Variants in CADM2 observed in about 807,000 individuals in gnomAD.
CADM2 encodes the protein immunoglobulin superfamily member 4D.
CADM2 carries 12 observed loss-of-function variants against 49.8 expected under a neutral mutation model. The observed-to-expected ratio is 0.24, with a 90% CI of 0.15 to 0.39. The LOEUF (loss-of-function observed/expected upper bound fraction) is 0.39, where lower values mean the gene tolerates loss of function less well. Among genes scored for constraint, CADM2 ranks in the 10% least tolerant of loss-of-function variants. CADM2 has a pLI of 1.00. For synonymous variants in CADM2, 214 were observed against 175.4 expected (o/e 1.22, Z -1.74); for missense variants, 378 against 492.3 (o/e 0.77, Z 2.20).
intron 1 of CADM2, among the ~76,000 whole-genome samples, chr3:85,213,783 C>G (rs1478918765): frequency 6.6e-6 from 1 of 151,956 alleles, no homozygotes; most frequent in Non-Finnish European, 1.5e-5. Context: ...TTTGTCTCCT[C>G]TGTGTATTTT....
intron 1 of CADM2, among the ~76,000 whole-genome samples, chr3:85,123,482 G>T (rs144539805): frequency 1.3e-3 from 199 of 152,198 alleles, no homozygotes; most frequent in African/African-American, 4.3e-3. Context: ...TCTAAGAGGG[G>T]CACTCCTCTG....
intron 1 of CADM2, among the ~76,000 whole-genome samples, chr3:85,017,041 T>C (rs1367804956): frequency 2.6e-5 from 4 of 152,176 alleles, no homozygotes; most frequent in African/African-American, 9.7e-5. Flanking sequence ...TTCTTTGTAA[T>C]ATCACTAAGA....
chr3:85,598,889 C>T (rs1353634806), intron 1 of CADM2, among the ~76,000 whole-genome samples: 2 of 151,470 alleles, frequency 1.3e-5, no homozygotes, highest in African/African-American at 4.9e-5. Flanking sequence ...ATTATACACA[C>T]ATAGACATAT....
rs547705294 is a variant in CADM2 at position 85,664,060 on chromosome 3, C to G, written c.62-62462C>G. The stretch of plus-strand genomic sequence containing the variant: ...GATTTGCCAGCCACAAATTCAACTT[C>G]TATGTTTCTTTTCTTCTCATAGGAT... On this transcript the variant is annotated intron_variant, in intron 1 of 9. Transcript: ENST00000383699. 2.0e-5 allele frequency among the ~76,000 whole-genome samples: 3 copies of G among 152,096 alleles called. No individual in the cohort carries two copies. The South Asian group carries it at 6.2e-4, about 32-fold the overall frequency.
intron 1 of CADM2, among the ~76,000 whole-genome samples, chr3:85,208,556 A>G (rs1376340840): frequency 6.6e-6 from 1 of 152,138 alleles, no homozygotes; most frequent in South Asian, 2.1e-4. Context: ...TTAATTTGTG[A>G]CAGTTTTAAT....
At chr3:85,194,115 A>G (rs752778796) in intron 1 of CADM2, among the ~76,000 whole-genome samples, 1 of 152,112 alleles carries the variant, frequency 6.6e-6, no homozygotes, top group Non-Finnish European at 1.5e-5. Context: ...TGGTGAAAGA[A>G]GAGAAGAGTG....
chr3:85,343,260 A>T (rs72903271), intron 1 of CADM2, among the ~76,000 whole-genome samples: 10,766 of 152,180 alleles, frequency 0.071, 721 homozygotes, highest in African/African-American at 0.17. Context: ...TATCCTCACA[A>T]CAACCCTTAG....
intron 7 of CADM2, among the ~76,000 whole-genome samples, chr3:85,946,263 C>T (rs961609933): frequency 1.3e-5 from 2 of 150,886 alleles, no homozygotes; most frequent in African/African-American, 2.5e-5. Flanking sequence ...CAAACCACTG[C>T]TCAACTAAAT....
At chr3:85,252,427 G>C (rs2042796435) in intron 1 of CADM2, among the ~76,000 whole-genome samples, 1 of 151,934 alleles carries the variant, frequency 6.6e-6, no homozygotes, top group South Asian at 2.1e-4. Context: ...ACATGTTCTA[G>C]AGTTTGCAGG....
chr3:85,891,201 A>G (rs1272864644), intron 5 of CADM2, among the ~76,000 whole-genome samples: 2 of 152,190 alleles, frequency 1.3e-5, no homozygotes, highest in East Asian at 1.9e-4. Flanking sequence ...AAGAAAGTGA[A>G]TATCTGCTAC....
At chr3:85,885,539 G>A (rs561078530) in intron 4 of CADM2, among the ~76,000 whole-genome samples, 33 of 151,860 alleles carry the variant, frequency 2.2e-4, no homozygotes, top group African/African-American at 2.9e-4. Context: ...AAAATTAGCC[G>A]GGCTTGGTGG....
intron 1 of CADM2, among the ~76,000 whole-genome samples, chr3:85,110,276 AAG>A (rs2038400996): frequency 1.3e-5 from 2 of 151,646 alleles, no homozygotes; most frequent in South Asian, 4.2e-4. Flanking sequence ...GAGAGAGAAT[AAG>A]AGAGAAACTG....
At chr3:85,704,935 T>C (rs1453601194) in intron 1 of CADM2, among the ~76,000 whole-genome samples, 1 of 151,022 alleles carries the variant, frequency 6.6e-6, no homozygotes, top group Non-Finnish European at 1.5e-5. Flanking sequence ...CTTGGCTCAC[T>C]GCAAGCTCCG....
chr3:86,040,509 G>A (rs1305742196), intron 8 of CADM2, among the ~76,000 whole-genome samples: 2 of 152,164 alleles, frequency 1.3e-5, no homozygotes, highest in Non-Finnish European at 2.9e-5. Flanking sequence ...TGAATTAAAT[G>A]AAGCGAGAAG....
chr3:85,200,034 A>G (rs564955079), intron 1 of CADM2, among the ~76,000 whole-genome samples: 4 of 152,158 alleles, frequency 2.6e-5, no homozygotes, highest in East Asian at 1.9e-4. Context: ...ATTTACGAAT[A>G]TTTTTTATTA....
At chr3:85,039,996 T>C (rs1026070403) in intron 1 of CADM2, among the ~76,000 whole-genome samples, 1 of 152,224 alleles carries the variant, frequency 6.6e-6, no homozygotes, top group Non-Finnish European at 1.5e-5. Flanking sequence ...GCAGTATGAC[T>C]GTAGTTCTAA....
intron 1 of CADM2, among the ~76,000 whole-genome samples, chr3:85,710,007 G>T (rs1236211808): frequency 6.6e-6 from 1 of 152,182 alleles, no homozygotes; most frequent in Non-Finnish European, 1.5e-5. Flanking sequence ...GAGTACTCTA[G>T]CAAATTAATC....
intron 1 of CADM2, among the ~76,000 whole-genome samples, chr3:85,371,199 T>A (rs1297452022): frequency 6.6e-6 from 1 of 152,100 alleles, no homozygotes; most frequent in South Asian, 2.1e-4. Flanking sequence ...GTTTCTAAAG[T>A]CTACAGAAGC....
Position 84,980,534 on chromosome 3 carries a change from T to C in CADM2, c.61+20866T>C, listed in dbSNP as rs183482005. ...CCAGTTTCAAATTCTATCTTATTCA[T>C]TTTTTAAATTCCTGGCAAGATAATA... On this transcript the variant is annotated intron_variant, in intron 1 of 9. Transcript: ENST00000383699. Among the ~76,000 whole-genome samples the C allele has an allele frequency of 7.2e-4, 110 of 152,312 alleles. No individual in the cohort carries two copies. The East Asian group carries it at 8.5e-3, about 12-fold the overall frequency.
Sources: allele counts gnomAD v4.1 joint callset (sites outside exome capture counted in the v4.1 genomes callset), GRCh38; gene constraint gnomAD v4.1.1; transcripts MANE v1.5; gene names NCBI Gene and HGNC (gene_info 2026-07-23, HGNC 2026-07-21).